The following SPOCK3 variants were observed in gnomAD, a reference collection of about 807,000 sequenced individuals.
SPOCK3 encodes the protein SPARC (osteonectin), cwcv and kazal like domains proteoglycan 3, also known as testican-3.
A neutral mutation model predicts 56.6 loss-of-function variants in SPOCK3; 30 were observed. The ratio of observed to expected loss-of-function variants is 0.53; its 90% CI spans 0.40 to 0.72. The LOEUF is 0.72. Ranked by LOEUF, SPOCK3 falls within the 30% of genes least tolerant of loss-of-function variation. The pLI, the probability that SPOCK3 is intolerant of heterozygous loss-of-function variation, is 0.00. For synonymous variants in SPOCK3, 196 were observed against 183.3 expected, an observed-to-expected ratio of 1.07 and a Z score of -0.56; for missense variants, 527 against 530.0, an observed-to-expected ratio of 0.99 and a Z score of 0.06.
At chr4:166,994,253 T>C (rs1748119706) in intron 4 of SPOCK3, among the ~76,000 whole-genome samples, 1 of 152,174 alleles carries the variant, frequency 6.6e-6, no homozygotes, top group Non-Finnish European at 1.5e-5. Flanking sequence ...GAAGTAGTTC[T>C]AATTGTTTTT....
chr4:166,877,144 T>C (rs1004436195), intron 6 of SPOCK3, among the ~76,000 whole-genome samples: 1 of 152,134 alleles, frequency 6.6e-6, no homozygotes, highest in Non-Finnish European at 1.5e-5. Flanking sequence ...CAAGAACAGT[T>C]GATCTCATTA....
At chr4:166,957,033 C>T (rs903168249) in intron 4 of SPOCK3, among the ~76,000 whole-genome samples, 1 of 152,118 alleles carries the variant, frequency 6.6e-6, no homozygotes, top group African/African-American at 2.4e-5. Context: ...ACAAGCAGAT[C>T]CCTTGAGTCC....
At chr4:167,101,718 T>A (rs1460244850) in intron 2 of SPOCK3, among the ~76,000 whole-genome samples, 1 of 148,000 alleles carries the variant, frequency 6.8e-6, no homozygotes, top group Non-Finnish European at 1.5e-5. Context: ...TTACTCTTTT[T>A]TTTTTTTTTT....
intron 10 of SPOCK3, 103 bp downstream of exon 10, chr4:166,737,364 G>T (rs1472399980): frequency 4.0e-6 from 5 of 1,247,104 alleles, no homozygotes; most frequent in Admixed American, 4.6e-5. Flanking sequence ...TACAGTCTTT[G>T]CATAGAGTAA....
At chr4:167,058,147 C>T (rs980623357) in intron 3 of SPOCK3, among the ~76,000 whole-genome samples, 4 of 152,016 alleles carry the variant, frequency 2.6e-5, no homozygotes, top group Non-Finnish European at 5.9e-5. Flanking sequence ...AAGTTCTGGC[C>T]AGGGCAATTA....
intron 2 of SPOCK3, among the ~76,000 whole-genome samples, chr4:167,131,654 A>C (rs1171137975): frequency 6.6e-6 from 1 of 152,172 alleles, no homozygotes; most frequent in African/African-American, 2.4e-5. Context: ...GGGAGTATAC[A>C]GATAACAGTC....
At chr4:167,115,034 G>C (rs536382361) in intron 2 of SPOCK3, among the ~76,000 whole-genome samples, 79 of 152,108 alleles carry the variant, frequency 5.2e-4, no homozygotes, top group African/African-American at 1.8e-3. Flanking sequence ...TTTCACCAGG[G>C]AACTGGAGCC....
At chr4:167,019,267 AG>A (rs761741910) in intron 3 of SPOCK3, among the ~76,000 whole-genome samples, 22 of 152,032 alleles carry the variant, frequency 1.4e-4, no homozygotes, top group Non-Finnish European at 2.8e-4. Flanking sequence ...GTGGCCTTTG[AG>A]GCTTCTAAAT....
intron 6 of SPOCK3, among the ~76,000 whole-genome samples, chr4:166,858,302 A>G (rs1001936636): frequency 2.6e-5 from 4 of 152,192 alleles, no homozygotes; most frequent in African/African-American, 9.6e-5. Context: ...TGAATTTCAT[A>G]GGGTTCTTTG....
chr4:167,035,464 C>T (rs2150189002), intron 3 of SPOCK3, among the ~76,000 whole-genome samples: 1 of 152,090 alleles, frequency 6.6e-6, no homozygotes, highest in East Asian at 1.9e-4. Flanking sequence ...CGAGCCAGCT[C>T]AAGAAAAGTC....
At chr4:167,078,664 A>T (rs1757431799) in intron 2 of SPOCK3, among the ~76,000 whole-genome samples, 1 of 151,722 alleles carries the variant, frequency 6.6e-6, no homozygotes, top group African/African-American at 2.4e-5. Flanking sequence ...TAATCACCCT[A>T]TGATGCAGGT....
At position 167,197,376 on chromosome 4, in the gene SPOCK3, T is replaced by C. The variant is rs574416847; in HGVS notation, c.189+36609A>G. Among the ~76,000 whole-genome samples, 4 of 152,258 alleles carry C rather than the reference T, an allele frequency of 2.6e-5. No individual in the cohort carries two copies. In the South Asian group the frequency reaches 8.3e-4, roughly 32 times the overall value. On this transcript the variant is annotated intron_variant, in intron 2 of 10. Coordinates refer to ENST00000357545, the MANE Select transcript of SPOCK3 (RefSeq NM_001040159.2). ...AAATGCAAAACAGACAAGTTAAACA[T>C]CTATAAAAGTAGAAATTATTTTAAA...
chr4:166,798,923 T>G (rs1159184007), intron 6 of SPOCK3, among the ~76,000 whole-genome samples: 1 of 152,126 alleles, frequency 6.6e-6, no homozygotes, highest in Non-Finnish European at 1.5e-5. Context: ...AAAAAATACT[T>G]GCATGAGCAA....
At chr4:166,902,953 T>C (rs1459921266) in intron 5 of SPOCK3, among the ~76,000 whole-genome samples, 1 of 150,756 alleles carries the variant, frequency 6.6e-6, no homozygotes, top group East Asian at 1.9e-4. Flanking sequence ...TCTCTAACAA[T>C]TTTAGAATTT....
chr4:167,080,873 T>G (rs1757638999), intron 2 of SPOCK3, among the ~76,000 whole-genome samples: 1 of 149,836 alleles, frequency 6.7e-6, no homozygotes, highest in Admixed American at 6.6e-5. Flanking sequence ...ATATTCTCTT[T>G]CTTTCTTTTT....
chr4:166,930,218 A>G (rs1288280183), intron 4 of SPOCK3, among the ~76,000 whole-genome samples: 1 of 152,192 alleles, frequency 6.6e-6, no homozygotes, highest in Admixed American at 6.5e-5. Context: ...AAAATTACAA[A>G]GAAAACATAT....
chr4:167,031,645 A>G (rs1752284178), intron 3 of SPOCK3, among the ~76,000 whole-genome samples: 1 of 151,990 alleles, frequency 6.6e-6, no homozygotes, highest in Non-Finnish European at 1.5e-5. Flanking sequence ...ACTAGAGACA[A>G]GACCGGGCAT....
chr4:166,776,379 C>G (rs912421231), intron 7 of SPOCK3, among the ~76,000 whole-genome samples: 30 of 152,086 alleles, frequency 2.0e-4, no homozygotes, highest in Admixed American at 6.5e-5. Flanking sequence ...CACCACTGCA[C>G]TCCAGTCTGG....
At chr4:167,143,088 CTTATT>C (rs1332752299) in intron 2 of SPOCK3, among the ~76,000 whole-genome samples, 2 of 152,060 alleles carry the variant, frequency 1.3e-5, no homozygotes, top group Non-Finnish European at 2.9e-5. Flanking sequence ...GAGACAGAGA[CTTATT>C]TTATTTTATT....
Sources: gnomAD v4.1 joint callset for allele counts (sites outside exome capture counted in the v4.1 genomes callset) on GRCh38, gnomAD v4.1.1 for gene constraint, MANE v1.5 for transcripts, NCBI Gene and HGNC (gene_info 2026-07-23, HGNC 2026-07-21) for gene names.